The following ANKS1B variants were observed in gnomAD, a reference collection of about 807,000 sequenced individuals.
ANKS1B encodes ankyrin repeat and sterile alpha motif domain-containing protein 1B.
A neutral mutation model predicts 148.3 loss-of-function variants in ANKS1B; 36 were observed. That is an observed-to-expected ratio of 0.24 (90% confidence interval 0.19 to 0.32). ANKS1B has a LOEUF of 0.32. ANKS1B is among the 10% of genes least tolerant of loss of function. The probability of loss-of-function intolerance (pLI) is 1.00; values close to 1 mark genes in which losing one functional copy is unlikely to be tolerated. For synonymous variants in ANKS1B, 542 were observed against 560.8 expected, an observed-to-expected ratio of 0.97 and a Z score of 0.47; for missense variants, 1,157 against 1,542.6, an observed-to-expected ratio of 0.75 and a Z score of 4.19.
At chr12:99,273,736 C>A (rs1277161017) in intron 12 of ANKS1B, among the ~76,000 whole-genome samples, 3 of 150,810 alleles carry the variant, frequency 2.0e-5, no homozygotes. Context: ...GCCACCACAC[C>A]CGGCTAATTT....
At chr12:99,488,144 T>C (rs553797723) in intron 10 of ANKS1B, among the ~76,000 whole-genome samples, 15 of 152,164 alleles carry the variant, frequency 9.9e-5, no homozygotes, top group Non-Finnish European at 1.9e-4. Context: ...CTAATGATAG[T>C]CCTGCAATGC....
At chr12:99,539,220 T>C (rs996718044) in intron 9 of ANKS1B, among the ~76,000 whole-genome samples, 1 of 152,140 alleles carries the variant, frequency 6.6e-6, no homozygotes, top group Non-Finnish European at 1.5e-5. Flanking sequence ...TAAGATAGTA[T>C]AAATGTACTT....
chr12:98,946,939 C>CAAAA (rs57197334), intron 17 of ANKS1B, among the ~76,000 whole-genome samples: 6 of 41,550 alleles, frequency 1.4e-4, no homozygotes, highest in African/African-American at 1.8e-4. Context: ...GATCTTTTCT[C>CAAAA]AAAAAAAAAA....
At chr12:99,549,953 C>A (rs115917720) in intron 9 of ANKS1B, among the ~76,000 whole-genome samples, 1,982 of 152,308 alleles carry the variant, frequency 0.013, 46 homozygotes, top group African/African-American at 0.045. Context: ...AAGCCCAGAC[C>A]CCTCCCGCTC....
At chr12:99,376,794 A>G (rs1041036387) in intron 12 of ANKS1B, among the ~76,000 whole-genome samples, 1 of 152,156 alleles carries the variant, frequency 6.6e-6, no homozygotes, top group Non-Finnish European at 1.5e-5. Flanking sequence ...TCAGCAAATT[A>G]AAGTAAGTTG....
intron 25 of ANKS1B, among the ~76,000 whole-genome samples, chr12:98,762,193 C>G (rs1185492839): frequency 1.3e-5 from 2 of 152,180 alleles, no homozygotes; most frequent in East Asian, 3.8e-4. Context: ...AACAGAGTCC[C>G]TGGATCACCT....
chr12:99,662,693 G>A (rs34420420), intron 8 of ANKS1B, among the ~76,000 whole-genome samples: 36,979 of 152,010 alleles, frequency 0.24, 4,860 homozygotes, highest in Non-Finnish European at 0.28. Flanking sequence ...TTTCATGAAA[G>A]AATACATTTA....
chr12:99,219,055 T>C (rs1233320970), intron 14 of ANKS1B, among the ~76,000 whole-genome samples: 1 of 152,180 alleles, frequency 6.6e-6, no homozygotes, highest in African/African-American at 2.4e-5. Flanking sequence ...AGAGATCAGA[T>C]GATTCCTTCA....
chr12:99,169,146 T>C (rs1222471484), intron 14 of ANKS1B, among the ~76,000 whole-genome samples: 1 of 152,200 alleles, frequency 6.6e-6, no homozygotes, highest in Non-Finnish European at 1.5e-5. Flanking sequence ...TGAATATCCA[T>C]GTACTTGTGG....
chr12:99,943,844 A>G (rs2094983595), intron 1 of ANKS1B, among the ~76,000 whole-genome samples: 1 of 152,094 alleles, frequency 6.6e-6, no homozygotes, highest in African/African-American at 2.4e-5. Context: ...GTTCTGGGAT[A>G]CATGTGCAGA....
chr12:99,216,249 C>A (rs1481780108), intron 14 of ANKS1B, among the ~76,000 whole-genome samples: 2 of 152,172 alleles, frequency 1.3e-5, no homozygotes, highest in African/African-American at 2.4e-5. Context: ...TTATAAATTA[C>A]CCACATAATT....
At chr12:99,578,753 C>T (rs190654176) in intron 9 of ANKS1B, among the ~76,000 whole-genome samples, 47 of 152,130 alleles carry the variant, frequency 3.1e-4, no homozygotes, top group Admixed American at 2.7e-3. Flanking sequence ...GAATCAATAT[C>T]ATTAAAATGG....
chr12:99,003,334 A>C (rs748704426), intron 17 of ANKS1B, among the ~76,000 whole-genome samples: 3 of 152,132 alleles, frequency 2.0e-5, no homozygotes, highest in Admixed American at 1.3e-4. Context: ...TTTCCATATA[A>C]ATTTTAGAAT....
rs552923675 is a variant in ANKS1B, at chr12:99,105,036, T to G, written c.2527-20013A>C. On this transcript the variant is annotated intron_variant, in intron 15 of 26. Transcript: ENST00000683438. Reference sequence around the variant, plus strand: ...ACATGGTTTTGTGGGGTTTTATTTGTAAATCTGAACATTTTGAAATTTGAA... The same window carrying G: ...ACATGGTTTTGTGGGGTTTTATTTGGAAATCTGAACATTTTGAAATTTGAA... The G allele has an allele frequency of 7.2e-5, 11 of 152,378 alleles. No homozygotes were observed. In the East Asian group the frequency reaches 2.1e-3, roughly 29 times the overall value. 9.4% of individuals were successfully genotyped at this position (152,378 alleles called of 1,614,324 possible).
intron 12 of ANKS1B, among the ~76,000 whole-genome samples, chr12:99,308,065 T>C (rs909032557): frequency 5.3e-5 from 8 of 152,102 alleles, no homozygotes; most frequent in African/African-American, 1.9e-4. Flanking sequence ...TAGCAACAAA[T>C]GAATGATTGT....
chr12:98,946,350 G>A (rs2099845501), intron 17 of ANKS1B, among the ~76,000 whole-genome samples: 1 of 152,114 alleles, frequency 6.6e-6, no homozygotes, highest in Non-Finnish European at 1.5e-5. Context: ...AGGAATATAT[G>A]CATTATTCTT....
At chr12:99,429,865 G>A (rs2095335793) in intron 11 of ANKS1B, among the ~76,000 whole-genome samples, 1 of 152,110 alleles carries the variant, frequency 6.6e-6, no homozygotes, top group African/African-American at 2.4e-5. Context: ...TCGGGCAGCT[G>A]AGGCAGGAGA....
At chr12:99,395,922 C>T (rs1267977922) in intron 12 of ANKS1B, among the ~76,000 whole-genome samples, 1 of 152,064 alleles carries the variant, frequency 6.6e-6, no homozygotes, top group Non-Finnish European at 1.5e-5. Context: ...GTAGATTAAT[C>T]AGTAAATTTA....
chr12:99,570,619 C>G (rs539536834), intron 9 of ANKS1B, among the ~76,000 whole-genome samples: 15 of 148,128 alleles, frequency 1.0e-4, no homozygotes, highest in African/African-American at 3.0e-4. Flanking sequence ...GCACTCCAGC[C>G]TGAGCGACGG....
Sources: allele counts gnomAD v4.1 joint callset (sites outside exome capture counted in the v4.1 genomes callset), GRCh38; gene constraint gnomAD v4.1.1; transcripts MANE v1.5; gene names NCBI Gene and HGNC (gene_info 2026-07-23, HGNC 2026-07-21).